Variants in TANGO6 observed in about 807,000 individuals in gnomAD.
The protein encoded by TANGO6 is transport and Golgi organization protein 6 homolog.
Under a neutral mutation model 114.2 loss-of-function variants are expected in TANGO6, and 90 were observed. The observed-to-expected ratio is 0.79, with a 90% CI of 0.66 to 0.94. The LOEUF (loss-of-function observed/expected upper bound fraction) is 0.94, where lower values mean the gene tolerates loss of function less well. Among genes scored for constraint, TANGO6 ranks in the 40% least tolerant of loss-of-function variants. TANGO6 has a pLI of 0.00. For synonymous variants in TANGO6, 477 were observed against 509.8 expected (o/e 0.94, Z 0.87); for missense variants, 1,274 against 1,315.3 (o/e 0.97, Z 0.49).
intron 15 of TANGO6, among the ~76,000 whole-genome samples, chr16:68,986,426 C>T (rs773078493): frequency 1.3e-5 from 2 of 151,898 alleles, no homozygotes; most frequent in African/African-American, 2.4e-5. Flanking sequence ...GGGGTGTTTC[C>T]GGCTGTAAAA....
chr16:68,879,148 C>CT (rs1284852150), intron 6 of TANGO6, among the ~76,000 whole-genome samples: 2 of 151,794 alleles, frequency 1.3e-5, no homozygotes, highest in Non-Finnish European at 2.9e-5. Context: ...ACTTTAAAAA[C>CT]TTTTTTTTAA....
intron 3 of TANGO6, among the ~76,000 whole-genome samples, chr16:68,864,171 T>A: frequency 7.1e-6 from 1 of 139,994 alleles, no homozygotes; most frequent in African/African-American, 3.1e-5. Context: ...CAAAACTCCG[T>A]CTCAAAAAAA....
chr16:68,939,666 C>T (rs1289960540), intron 14 of TANGO6, among the ~76,000 whole-genome samples: 1 of 151,372 alleles, frequency 6.6e-6, no homozygotes, highest in Non-Finnish European at 1.5e-5. Flanking sequence ...CATCTTTCCA[C>T]ATACCATTCC....
intron 15 of TANGO6, among the ~76,000 whole-genome samples, chr16:69,006,582 T>TA (rs537499307): frequency 1.4e-4 from 21 of 145,620 alleles, no homozygotes; most frequent in South Asian, 6.6e-4. Context: ...CATCTCTACT[T>TA]AAAAAAAAAA....
At chr16:68,894,125 G>C (rs1383098511) in intron 7 of TANGO6, among the ~76,000 whole-genome samples, 4 of 152,178 alleles carry the variant, frequency 2.6e-5, no homozygotes, top group African/African-American at 9.6e-5. Flanking sequence ...TTCCTTTTTA[G>C]TGCATTGTTT....
intron 12 of TANGO6, among the ~76,000 whole-genome samples, chr16:68,924,499 G>C (rs759103383): frequency 2.7e-5 from 4 of 146,834 alleles, no homozygotes; most frequent in Non-Finnish European, 6.0e-5. Flanking sequence ...AAAAAAAAAG[G>C]CTCCTCAGCT....
chr16:69,012,447 T>C (rs2152224528), intron 15 of TANGO6, among the ~76,000 whole-genome samples: 1 of 149,414 alleles, frequency 6.7e-6, no homozygotes, highest in South Asian at 2.1e-4. Context: ...TCCCAGCTAC[T>C]CAAGAGGCTG....
chr16:68,944,413 G>A (rs1963391608), intron 14 of TANGO6, among the ~76,000 whole-genome samples: 1 of 152,108 alleles, frequency 6.6e-6, no homozygotes, highest in African/African-American at 2.4e-5. Context: ...CTTTCACCCA[G>A]GCCTCAACCT....
intron 15 of TANGO6, among the ~76,000 whole-genome samples, chr16:69,011,253 G>T (rs559562592): frequency 3.9e-5 from 6 of 152,230 alleles, no homozygotes; most frequent in South Asian, 2.1e-4. Context: ...AAAAGAAAAG[G>T]GGGGGCAGGA....
intron 14 of TANGO6, among the ~76,000 whole-genome samples, chr16:68,933,312 G>A (rs1963266006): frequency 6.6e-6 from 1 of 152,032 alleles, no homozygotes; most frequent in African/African-American, 2.4e-5. Flanking sequence ...TTACTTGGGA[G>A]GCTGAAGCAG....
chr16:68,865,051 G>T (rs1284294026), intron 3 of TANGO6, among the ~76,000 whole-genome samples: 7 of 151,596 alleles, frequency 4.6e-5, no homozygotes, highest in Non-Finnish European at 8.8e-5. Flanking sequence ...GCCGAGGCGG[G>T]TGGATCACGA....
chr16:69,020,906 G>GTA (rs1213358964), intron 15 of TANGO6, among the ~76,000 whole-genome samples: 10 of 36,840 alleles, frequency 2.7e-4, no homozygotes, highest in South Asian at 9.3e-4. Flanking sequence ...ATGTATGTAT[G>GTA]TGTGTGTGTG....
intron 17 of TANGO6, among the ~76,000 whole-genome samples, chr16:69,062,026 GAAA>G (rs943193047): frequency 6.7e-6 from 1 of 149,816 alleles, no homozygotes; most frequent in African/African-American, 2.4e-5. Context: ...TCTCAAAAAA[GAAA>G]AAAAAAGAAT....
Position 68,880,390 on chromosome 16 carries a change from A to G in TANGO6, c.1295-158A>G, listed in dbSNP as rs1481364659. Among the ~76,000 whole-genome samples, 3 of 152,216 alleles carry G rather than the reference A, an allele frequency of 2.0e-5. No homozygotes were observed. The East Asian group carries it at 5.8e-4, about 29-fold the overall frequency. The stretch of plus-strand genomic sequence containing the variant: ...AATCAGTGGCATCATATATTCCATG[A>G]AATGTGTATGAATTGTGTATTGTTC... On this transcript the variant is annotated intron_variant, in intron 6 of 17. Coordinates refer to ENST00000261778, the MANE Select transcript of TANGO6 (RefSeq NM_024562.2).
intron 14 of TANGO6, chr16:68,972,906 G>A (rs1164545858): frequency 3.5e-6 from 1 of 283,126 alleles, no homozygotes; most frequent in African/African-American, 2.2e-5. Flanking sequence ...ATGCAGAGGG[G>A]AAGTGAGGCC....
chr16:68,953,323 T>C (rs1963493270), intron 14 of TANGO6, among the ~76,000 whole-genome samples: 1 of 152,026 alleles, frequency 6.6e-6, no homozygotes, highest in African/African-American at 2.4e-5. Context: ...CCTCAGGTGA[T>C]ACACCTGCCT....
intron 15 of TANGO6, among the ~76,000 whole-genome samples, chr16:69,004,390 C>CT (rs1280528949): frequency 1.3e-5 from 2 of 151,316 alleles, no homozygotes; most frequent in Non-Finnish European, 2.9e-5. Flanking sequence ...GAGTCTCACT[C>CT]TGTCATCCAG....
At chr16:68,884,957 G>A (rs1025324000) in intron 7 of TANGO6, among the ~76,000 whole-genome samples, 2 of 152,236 alleles carry the variant, frequency 1.3e-5, no homozygotes, top group Admixed American at 6.5e-5. Flanking sequence ...GAAACTAAGA[G>A]GGGTGGAAGG....
chr16:68,936,535 G>A (rs184128408), intron 14 of TANGO6, among the ~76,000 whole-genome samples: 17 of 152,068 alleles, frequency 1.1e-4, no homozygotes, highest in East Asian at 1.9e-4. Context: ...GGGTTTCACC[G>A]TGTTGGCCAG....
Sources: allele counts gnomAD v4.1 joint callset (sites outside exome capture counted in the v4.1 genomes callset), GRCh38; gene constraint gnomAD v4.1.1; transcripts MANE v1.5; gene names NCBI Gene and HGNC (gene_info 2026-07-23, HGNC 2026-07-21).